The following HFM1 variants were observed in gnomAD, a reference collection of about 807,000 sequenced individuals.
HFM1 encodes the protein helicase for meiosis 1.
HFM1 carries 169 observed loss-of-function variants against 192.1 expected under a neutral mutation model. The ratio of observed to expected loss-of-function variants is 0.88; its 90% CI spans 0.78 to 1.00. The LOEUF is 1.00. Among genes scored for constraint, HFM1 ranks in the 50% least tolerant of loss-of-function variants. The probability of loss-of-function intolerance (pLI) is 0.00; values close to 1 mark genes in which losing one functional copy is unlikely to be tolerated. For synonymous variants in HFM1, 525 were observed against 537.8 expected, an observed-to-expected ratio of 0.98 and a Z score of 0.33; for missense variants, 1,661 against 1,668.0, an observed-to-expected ratio of 1.00 and a Z score of 0.07.
intron 19 of HFM1, among the ~76,000 whole-genome samples, chr1:91,343,787 T>G (rs1236716465): frequency 6.6e-6 from 1 of 152,206 alleles, no homozygotes; most frequent in African/African-American, 2.4e-5. Context: ...ATGATACACA[T>G]GTATTACCTC....
chr1:91,331,712 A>G (rs1653847576), intron 20 of HFM1, among the ~76,000 whole-genome samples: 1 of 152,228 alleles, frequency 6.6e-6, no homozygotes. Flanking sequence ...CCTGGCCAAC[A>G]TGGCGAAACC....
chr1:91,352,239 A>C (rs1373925278), intron 16 of HFM1, among the ~76,000 whole-genome samples: 1 of 151,666 alleles, frequency 6.6e-6, no homozygotes, highest in East Asian at 1.9e-4. Flanking sequence ...AAAAAAAAAA[A>C]AAAACAGTCA....
chr1:91,268,734 A>G (rs1230981142), intron 34 of HFM1, among the ~76,000 whole-genome samples: 1 of 152,070 alleles, frequency 6.6e-6, no homozygotes, highest in Non-Finnish European at 1.5e-5. Context: ...TAAATTCCAT[A>G]TATCTAATTG....
intron 30 of HFM1, among the ~76,000 whole-genome samples, chr1:91,305,523 A>G (rs1396600704): frequency 6.6e-6 from 1 of 152,050 alleles, no homozygotes; most frequent in Admixed American, 6.6e-5. Flanking sequence ...GATTTTCTCT[A>G]TAAATAATCA....
intron 20 of HFM1, among the ~76,000 whole-genome samples, chr1:91,335,090 G>GT (rs2101567636): frequency 6.6e-6 from 1 of 152,268 alleles, no homozygotes; most frequent in East Asian, 1.9e-4. Context: ...ATGTTTTGCT[G>GT]AAGAAGAAAA....
chr1:91,329,975 C>G (rs768353137), intron 20 of HFM1, among the ~76,000 whole-genome samples: 1 of 152,112 alleles, frequency 6.6e-6, no homozygotes, highest in Non-Finnish European at 1.5e-5. Context: ...ATCAGGAAGG[C>G]GCATCTTAGC....
intron 8 of HFM1, 83 bp from the exon 9 acceptor site, chr1:91,379,297 T>C: frequency 9.5e-7 from 1 of 1,051,028 alleles, no homozygotes; most frequent in South Asian, 1.4e-5. Context: ...AAAGTTAGCA[T>C]AAAAAATACA....
intron 20 of HFM1, chr1:91,329,051 T>C (rs1290204881): frequency 9.3e-6 from 15 of 1,611,010 alleles, no homozygotes; most frequent in South Asian, 2.2e-5. Context: ...AGTTTGTGGA[T>C]CTGTGCATCC....
At chr1:91,319,968 G>A (rs1484065025) in intron 23 of HFM1, among the ~76,000 whole-genome samples, 1 of 152,164 alleles carries the variant, frequency 6.6e-6, no homozygotes, top group African/African-American at 2.4e-5. Context: ...TACTAAATTT[G>A]AGGTGTTAGT....
chr1:91,378,486 G>C lies in HFM1; in HGVS notation c.1159-6C>G, dbSNP rs776363235. On this transcript the variant is annotated splice_polypyrimidine_tract_variant and splice_region_variant and intron_variant, in intron 9 of 38. Coordinates refer to ENST00000370425, the MANE Select transcript of HFM1 (RefSeq NM_001017975.6). ...GTCATGCTATCCCATTTTTCCTAGA[G>C]AGAAAAAAAAGCATACAAGTAGTTT... The C allele has an allele frequency of 2.6e-6, 4 of 1,558,440 alleles. No homozygotes were observed. The highest frequency in any genetic ancestry group is 2.3e-5 in the South Asian group (2 of 87,046).
At chr1:91,305,918 A>G (rs1370476302) in intron 30 of HFM1, among the ~76,000 whole-genome samples, 4 of 152,186 alleles carry the variant, frequency 2.6e-5, no homozygotes, top group African/African-American at 9.6e-5. Context: ...TTCCAGCACA[A>G]TGTCGAATAG....
rs150170381 is a variant in HFM1, at chr1:91,379,792, A to T, written c.1006+312T>A. 4.5e-4 allele frequency among the ~76,000 whole-genome samples: 69 copies of T among 152,294 alleles called. 1 individual carries two copies. Among genetic ancestry groups the T allele is most frequent in the African/African-American group, 1.6e-3 (66 of 41,580 alleles). ...TGATTAAAAAAAATTTTTTAAATAC[A>T]TACCTAAGAAAGGAGAGTAAAAGTT... On this transcript the variant is annotated intron_variant, in intron 8 of 38. Coordinates refer to ENST00000370425, the MANE Select transcript of HFM1 (RefSeq NM_001017975.6).
intron 30 of HFM1, among the ~76,000 whole-genome samples, chr1:91,294,126 C>T: frequency 6.6e-6 from 1 of 151,180 alleles, no homozygotes; most frequent in Non-Finnish European, 1.5e-5. Flanking sequence ...GTGCAGTGCA[C>T]CAGCATGGCA....
chr1:91,368,685 A>C (rs1231250354), intron 13 of HFM1, among the ~76,000 whole-genome samples: 2 of 152,230 alleles, frequency 1.3e-5, no homozygotes, highest in East Asian at 3.9e-4. Flanking sequence ...AAGAAACTGC[A>C]TCCACTAACG....
intron 4 of HFM1, among the ~76,000 whole-genome samples, chr1:91,388,647 C>T (rs1031434025): frequency 2.0e-5 from 3 of 152,102 alleles, no homozygotes; most frequent in Non-Finnish European, 2.9e-5. Flanking sequence ...AACTCTGAAA[C>T]CCTTAGAAGA....
chr1:91,343,554 G>A, intron 19 of HFM1, 44 bp from the exon 20 acceptor site: 1 of 745,124 alleles, frequency 1.3e-6, no homozygotes, highest in Non-Finnish European at 2.2e-6. Flanking sequence ...GTAAAATAGG[G>A]AAGTAGGGAA....
At position 91,321,373 on chromosome 1, in the gene HFM1, G is replaced by C. The variant is rs1317765940; in HGVS notation, c.2582+1577C>G. Among the ~76,000 whole-genome samples, 4 of 152,274 alleles carry C rather than the reference G, an allele frequency of 2.6e-5. No individual in the cohort carries two copies. The East Asian group carries it at 7.7e-4, about 29-fold the overall frequency. On this transcript the variant is annotated intron_variant, in intron 23 of 38. Coordinates refer to ENST00000370425, the MANE Select transcript of HFM1 (RefSeq NM_001017975.6). The stretch of plus-strand genomic sequence containing the variant: ...GCAGGAGAATCGCTTGAGCCCGGGA[G>C]GCAGAGGTTGCAGTGAGCGGAGATC...
At chr1:91,287,839 C>A (rs1349902653) in intron 30 of HFM1, among the ~76,000 whole-genome samples, 3 of 151,988 alleles carry the variant, frequency 2.0e-5, no homozygotes, top group African/African-American at 7.3e-5. Flanking sequence ...GAGCTGAAAA[C>A]CAAGGCTCGA....
rs557274052 is a variant in HFM1 at position 91,401,566 on chromosome 1, T to C, written c.-27-457A>G. Among the ~76,000 whole-genome samples the C allele has an allele frequency of 7.9e-5, 12 of 152,322 alleles. No homozygotes were observed. In the East Asian group the frequency reaches 2.1e-3, roughly 27 times the overall value. ...TGTGTGCACCTCTAACAATATACTA[T>C]GTACATATGCAGGGATTTGCTTCAA... On this transcript the variant is annotated intron_variant, in intron 1 of 38. Transcript: ENST00000370425.
Sources: allele counts gnomAD v4.1 joint callset (sites outside exome capture counted in the v4.1 genomes callset), GRCh38; gene constraint gnomAD v4.1.1; transcripts MANE v1.5; gene names NCBI Gene and HGNC (gene_info 2026-07-23, HGNC 2026-07-21).